Variants in DPH6 observed in about 807,000 individuals in gnomAD.
The protein encoded by DPH6 is diphthine--ammonia ligase.
Under a neutral mutation model 38.2 loss-of-function variants are expected in DPH6, and 33 were observed. The observed-to-expected ratio is 0.86, with a 90% CI of 0.65 to 1.15. The LOEUF is 1.15. DPH6 is among the 50% of genes most tolerant of loss of function. DPH6 has a pLI of 0.00. For missense variants in DPH6, 325 were observed against 320.0 expected (o/e 1.02, Z -0.12); for synonymous variants, 108 against 103.0 (o/e 1.05, Z -0.30).
At chr15:35,161,656 T>C in the DPH6 span, among the ~76,000 whole-genome samples, 1 of 151,570 alleles carries the variant, frequency 6.6e-6, no homozygotes, top group East Asian at 1.9e-4. Flanking sequence ...TCAGTATCTT[T>C]TTAGAAGAGA....
At chr15:35,497,462 T>G (rs1447439346) in intron 3 of DPH6, among the ~76,000 whole-genome samples, 1 of 152,198 alleles carries the variant, frequency 6.6e-6, no homozygotes, top group Non-Finnish European at 1.5e-5. Flanking sequence ...ATGTGTTCCT[T>G]TTTCATACAA....
At chr15:35,429,284 T>A (rs778578593) in intron 5 of DPH6, among the ~76,000 whole-genome samples, 24 of 152,164 alleles carry the variant, frequency 1.6e-4, no homozygotes, top group Non-Finnish European at 3.1e-4. Flanking sequence ...TTTAGCAATA[T>A]CTCTCCCATT....
chr15:35,291,169 A>C (rs1479496961), intron 3 of DPH6, among the ~76,000 whole-genome samples: 1 of 152,152 alleles, frequency 6.6e-6, no homozygotes, highest in African/African-American at 2.4e-5. Context: ...GGAAAAATAT[A>C]TTAAACATTG....
chr15:35,490,873 T>C (rs2054467243), intron 3 of DPH6, among the ~76,000 whole-genome samples: 1 of 152,086 alleles, frequency 6.6e-6, no homozygotes, highest in African/African-American at 2.4e-5. Context: ...AGCTCAAGGT[T>C]CTGGAGGCTG....
chr15:35,400,692 T>C (rs1464613217), intron 6 of DPH6: 4 of 659,764 alleles, frequency 6.1e-6, no homozygotes, highest in Non-Finnish European at 8.3e-6. Flanking sequence ...CCTGCCATCA[T>C]GTCTAAGTCA....
At chr15:35,294,422 T>C (rs2052000831) in intron 3 of DPH6, among the ~76,000 whole-genome samples, 1 of 152,216 alleles carries the variant, frequency 6.6e-6, no homozygotes, top group Non-Finnish European at 1.5e-5. Context: ...AGGTTTGTAG[T>C]ATTGTCCTTT....
At chr15:35,154,276 C>CA in the DPH6 span, among the ~76,000 whole-genome samples, 1 of 152,048 alleles carries the variant, frequency 6.6e-6, no homozygotes, top group African/African-American at 2.4e-5. Context: ...GTCTAAACAT[C>CA]AAATTTTAGG....
intron 3 of DPH6, among the ~76,000 whole-genome samples, chr15:35,486,253 C>T (rs1181761104): frequency 6.6e-6 from 1 of 152,118 alleles, no homozygotes; most frequent in Non-Finnish European, 1.5e-5. Context: ...GGAAACCTCT[C>T]CCATGATCCA....
intron 7 of DPH6, among the ~76,000 whole-genome samples, chr15:35,380,445 TC>T: frequency 6.6e-6 from 1 of 152,224 alleles, no homozygotes. Context: ...GTCTTGTAAT[TC>T]CATGTTGTCC....
chr15:35,379,060 C>T (rs966513496), intron 7 of DPH6, among the ~76,000 whole-genome samples: 9 of 152,164 alleles, frequency 5.9e-5, no homozygotes, highest in Admixed American at 2.0e-4. Flanking sequence ...CTGTTCCTTG[C>T]TTTTTCTAGC....
chr15:35,299,505 C>T (rs1595467086), intron 3 of DPH6: 10 of 699,328 alleles, frequency 1.4e-5, no homozygotes, highest in East Asian at 8.1e-5. Flanking sequence ...GGCGGCAGCG[C>T]GGAGCCGGGG....
chr15:35,431,715 G>C (rs1047082716), intron 5 of DPH6, among the ~76,000 whole-genome samples: 2 of 151,986 alleles, frequency 1.3e-5, no homozygotes, highest in Admixed American at 6.6e-5. Flanking sequence ...AGTCTAAGGA[G>C]AAATGACAGT....
intron 7 of DPH6, among the ~76,000 whole-genome samples, chr15:35,378,758 A>G (rs1300140740): frequency 6.6e-6 from 1 of 151,380 alleles, no homozygotes; most frequent in Non-Finnish European, 1.5e-5. Context: ...TCTCACTCAC[A>G]AGTGGGAGTT....
intron 2 of DPH6, among the ~76,000 whole-genome samples, chr15:35,540,339 C>CAT (rs1238701101): frequency 6.6e-6 from 1 of 152,092 alleles, no homozygotes; most frequent in Non-Finnish European, 1.5e-5. Flanking sequence ...GACAAGTTCG[C>CAT]ATTATCCTCA....
At chr15:35,254,549 T>C (rs1231699820) in intron 3 of DPH6, among the ~76,000 whole-genome samples, 5 of 152,212 alleles carry the variant, frequency 3.3e-5, no homozygotes, top group African/African-American at 1.2e-4. Context: ...TTACTTTAAT[T>C]TGTGGTTTGT....
intron 3 of DPH6, among the ~76,000 whole-genome samples, chr15:35,361,656 A>G (rs1474690646): frequency 6.6e-6 from 1 of 151,702 alleles, no homozygotes; most frequent in Non-Finnish European, 1.5e-5. Context: ...CAAAAAATTC[A>G]AATGACCTGA....
At chr15:35,380,546 C>CA (rs1256639836) in intron 7 of DPH6, among the ~76,000 whole-genome samples, 1 of 151,152 alleles carries the variant, frequency 6.6e-6, no homozygotes, top group East Asian at 1.9e-4. Context: ...TATTGCTGTG[C>CA]TTTTTTTTTC....
intron 3 of DPH6, among the ~76,000 whole-genome samples, chr15:35,529,232 T>C (rs1233322677): frequency 6.6e-6 from 1 of 152,158 alleles, no homozygotes; most frequent in African/African-American, 2.4e-5. Context: ...TGTACAGGCT[T>C]CTGCTTCTAG....
At chr15:35,272,049 C>T (rs2051825489) in intron 3 of DPH6, among the ~76,000 whole-genome samples, 1 of 152,106 alleles carries the variant, frequency 6.6e-6, no homozygotes, top group Non-Finnish European at 1.5e-5. Flanking sequence ...CAATGCAGTT[C>T]ACCTTCTGTA....
Sources: allele counts gnomAD v4.1 joint callset (sites outside exome capture counted in the v4.1 genomes callset), GRCh38; gene constraint gnomAD v4.1.1; transcripts MANE v1.5; gene names NCBI Gene and HGNC (gene_info 2026-07-23, HGNC 2026-07-21).